PCDHGA5: variants seen among roughly 807,000 people sequenced by gnomAD.
PCDHGA5 encodes the protein protocadherin gamma subfamily A, 5.
Under a neutral mutation model 56.7 loss-of-function variants are expected in PCDHGA5, and 36 were observed. The observed-to-expected ratio is 0.64, with a 90% CI of 0.49 to 0.84. The LOEUF (loss-of-function observed/expected upper bound fraction) is 0.84, where lower values mean the gene tolerates loss of function less well. Ranked by LOEUF, PCDHGA5 falls within the 40% of genes least tolerant of loss-of-function variation. The pLI, the probability that PCDHGA5 is intolerant of heterozygous loss-of-function variation, is 0.00. For synonymous variants in PCDHGA5, 563 were observed against 520.2 expected, an observed-to-expected ratio of 1.08 and a Z score of -1.12; for missense variants, 1,305 against 1,201.5, an observed-to-expected ratio of 1.09 and a Z score of -1.27.
At chr5:141,371,796 G>A in intron 1 of PCDHGA5, 2 of 1,613,914 alleles carry the variant, frequency 1.2e-6, no homozygotes, top group Non-Finnish European at 1.7e-6. Context: ...CAATCCGCCT[G>A]GAGCCTCCAT....
At chr5:141,384,893 C>G in intron 1 of PCDHGA5, 2 of 1,613,890 alleles carry the variant, frequency 1.2e-6, no homozygotes, top group Non-Finnish European at 1.7e-6. Context: ...GTGGCTGTGG[C>G]TGACAGCATC....
intron 1 of PCDHGA5, among the ~76,000 whole-genome samples, chr5:141,397,814 C>G (rs1325713795): frequency 6.6e-6 from 1 of 152,200 alleles, no homozygotes; most frequent in Non-Finnish European, 1.5e-5. Flanking sequence ...CACACAAAAA[C>G]AATTACTGCA....
At chr5:141,472,620 A>G (rs2099290656) in intron 1 of PCDHGA5, among the ~76,000 whole-genome samples, 1 of 152,136 alleles carries the variant, frequency 6.6e-6, no homozygotes, top group Admixed American at 6.5e-5. Context: ...AGAAGAAAAA[A>G]GATAAAGACT....
chr5:141,389,726 C>G (rs150721796), intron 1 of PCDHGA5: 2 of 1,612,720 alleles, frequency 1.2e-6, no homozygotes, highest in Non-Finnish European at 1.7e-6. Flanking sequence ...AGCCCGGGCT[C>G]TTCAGCCTGG....
chr5:141,377,884 G>C (rs975063251), intron 1 of PCDHGA5: 1 of 152,112 alleles, frequency 6.6e-6, no homozygotes, highest in Non-Finnish European at 1.5e-5. Flanking sequence ...ATCAGAGATA[G>C]GATCCCCCTC....
chr5:141,372,765 A>G, intron 1 of PCDHGA5: 1 of 1,612,386 alleles, frequency 6.2e-7, no homozygotes, highest in Non-Finnish European at 8.5e-7. Flanking sequence ...GTTTGAAAGT[A>G]ATGACAATCC....
At chr5:141,374,388 G>T (rs779801370) in intron 1 of PCDHGA5, 3 of 1,614,044 alleles carry the variant, frequency 1.9e-6, no homozygotes, top group Non-Finnish European at 2.5e-6. Context: ...AGCCCGCGGT[G>T]TCTGGTGAGT....
chr5:141,510,420 G>A (rs1275392355), intron 3 of PCDHGA5, among the ~76,000 whole-genome samples: 2 of 152,126 alleles, frequency 1.3e-5, no homozygotes, highest in Non-Finnish European at 2.9e-5. Flanking sequence ...TAAAGCCATG[G>A]TTTCATGGCT....
intron 1 of PCDHGA5, 62 bp downstream of exon 1, chr5:141,366,813 T>G (rs1281662720): frequency 6.5e-7 from 1 of 1,549,490 alleles, no homozygotes. Flanking sequence ...TTTTCATGTT[T>G]CTGTCATATT....
intron 1 of PCDHGA5, chr5:141,417,966 C>T: frequency 6.2e-7 from 1 of 1,613,776 alleles, no homozygotes; most frequent in Non-Finnish European, 8.5e-7. Flanking sequence ...ATCCGCTACT[C>T]GATTCCGGAG....
chr5:141,365,048 C>T lies in PCDHGA5; in HGVS notation c.718C>T (p.Pro240Ser), dbSNP rs1211654942. Residue 240 changes from proline to serine, a missense_variant, in exon 1 of 4, where the codon CCC becomes TCC. Transcript: ENST00000518069. Reference protein sequence around the residue: ...VTVLDANDNAPLFTPSEYSVS... With the variant: ...VTVLDANDNASLFTPSEYSVS... ...GGTCCTCGACGCAAACGACAATGCG[C>T]CCCTGTTCACCCCATCCGAGTACAG... The T allele has an allele frequency of 1.2e-6, 2 of 1,613,776 alleles. No individual in the cohort carries two copies. The highest frequency in any genetic ancestry group is 2.2e-5 in the East Asian group (1 of 44,902).
intron 1 of PCDHGA5, chr5:141,422,145 G>A: frequency 1.3e-6 from 2 of 1,580,726 alleles, no homozygotes; most frequent in Non-Finnish European, 8.6e-7. Context: ...AAGTACGGGG[G>A]TCTCTGGATT....
intron 2 of PCDHGA5, among the ~76,000 whole-genome samples, chr5:141,502,725 G>A (rs1020846462): frequency 2.0e-5 from 3 of 152,150 alleles, no homozygotes; most frequent in Non-Finnish European, 4.4e-5. Context: ...ATTACAAAGC[G>A]GTGATGTTCT....
chr5:141,376,129 C>G, intron 1 of PCDHGA5: 2 of 1,613,928 alleles, frequency 1.2e-6, no homozygotes, highest in Non-Finnish European at 1.7e-6. Context: ...AGCCCTCCGC[C>G]AAACCCAACG....
chr5:141,419,443 C>G lies in PCDHGA5; in HGVS notation c.2421+52692C>G, dbSNP rs1476796525. ...TCGACCACGAGCAGCTGCGCACCTT[C>G]GAGCTCACGCTGCAGGCCCGCGACC... On this transcript the variant is annotated intron_variant, in intron 1 of 3. Coordinates refer to ENST00000518069, the MANE Select transcript of PCDHGA5 (RefSeq NM_018918.3). 6.2e-7 allele frequency: 1 copy of G among 1,613,080 alleles called. No individual in the cohort carries two copies. Among genetic ancestry groups the G allele is most frequent in the Non-Finnish European group, 8.5e-7 (1 of 1,179,758 alleles).
chr5:141,433,047 C>T (rs1561867159), intron 1 of PCDHGA5: 1 of 1,614,046 alleles, frequency 6.2e-7, no homozygotes, highest in African/African-American at 1.3e-5. Flanking sequence ...ACCACGGACT[C>T]GCGGAAGAGT....
chr5:141,372,340 G>A lies in PCDHGA5; in HGVS notation c.2421+5589G>A, dbSNP rs754973851. 4 of 1,613,790 alleles carry A rather than the reference G, an allele frequency of 2.5e-6. No individual in the cohort carries two copies. In the South Asian group the frequency reaches 4.4e-5, roughly 18 times the overall value. On this transcript the variant is annotated intron_variant, in intron 1 of 3. Transcript: ENST00000518069. ...CGCCTGCTGGTCACTGTGCGTGATG[G>A]AGGACAGCAGCCTCTTTCAGCCACC...
intron 1 of PCDHGA5, chr5:141,408,923 G>C: frequency 6.2e-7 from 1 of 1,613,488 alleles, no homozygotes; most frequent in Non-Finnish European, 8.5e-7. Flanking sequence ...TAACCCCCCG[G>C]TTTTCAGCAG....
chr5:141,396,695 T>G (rs920549434), intron 1 of PCDHGA5: 1 of 152,226 alleles, frequency 6.6e-6, no homozygotes, highest in Non-Finnish European at 1.5e-5. Context: ...CATACCTTCT[T>G]GTAGCATTTG....
Sources: gnomAD v4.1 joint callset for allele counts (sites outside exome capture counted in the v4.1 genomes callset) on GRCh38, gnomAD v4.1.1 for gene constraint, MANE v1.5 for transcripts, NCBI Gene and HGNC (gene_info 2026-07-23, HGNC 2026-07-21) for gene names.